The following NIPSNAP1 variants were observed in gnomAD, a reference collection of about 807,000 sequenced individuals.
NIPSNAP1 encodes the protein nipsnap homolog 1, also known as protein NipSnap homolog 1.
A neutral mutation model predicts 49.2 loss-of-function variants in NIPSNAP1; 25 were observed. The observed-to-expected ratio is 0.51, with a 90% CI of 0.37 to 0.71. NIPSNAP1 has a LOEUF of 0.71. Among genes scored for constraint, NIPSNAP1 ranks in the 30% least tolerant of loss-of-function variants. The probability of loss-of-function intolerance (pLI) is 0.00; values close to 1 mark genes in which losing one functional copy is unlikely to be tolerated. For missense variants in NIPSNAP1, 294 were observed against 361.0 expected (o/e 0.81, Z 1.50); for synonymous variants, 143 against 140.7 (o/e 1.02, Z -0.12).
At chr22:29,564,521 G>C in intron 4 of NIPSNAP1, 1 of 415,650 alleles carries the variant, frequency 2.4e-6, no homozygotes, top group South Asian at 1.8e-5. Flanking sequence ...TTAAGAGACT[G>C]TCCTGCCTAT....
chr22:29,564,666 A>G (rs1214012253), intron 4 of NIPSNAP1, among the ~76,000 whole-genome samples: 1 of 151,944 alleles, frequency 6.6e-6, no homozygotes, highest in African/African-American at 2.4e-5. Context: ...CACCTGCCTC[A>G]GCCTCCCAAA....
At chr22:29,574,550 G>A (rs1398387224) in intron 1 of NIPSNAP1, among the ~76,000 whole-genome samples, 5 of 151,816 alleles carry the variant, frequency 3.3e-5, no homozygotes, top group African/African-American at 9.7e-5. Context: ...AGGCCGAGGC[G>A]GGCGGATTGC....
chr22:29,556,374 A>AT (rs2064294430), intron 9 of NIPSNAP1, among the ~76,000 whole-genome samples: 1 of 152,020 alleles, frequency 6.6e-6, no homozygotes, highest in African/African-American at 2.4e-5. Context: ...AAAATACAAA[A>AT]TTAGCCGGGC....
chr22:29,567,437 C>A (rs533809661), intron 4 of NIPSNAP1, among the ~76,000 whole-genome samples: 6 of 152,266 alleles, frequency 3.9e-5, no homozygotes, highest in African/African-American at 1.4e-4. Flanking sequence ...TATAGGGGTA[C>A]ATGATCAGGG....
chr22:29,555,587 C>G lies in NIPSNAP1; in HGVS notation c.*348G>C. 3.2e-6 allele frequency: 1 copy of G among 316,670 alleles called. No homozygotes were observed. Among genetic ancestry groups the G allele is most frequent in the Non-Finnish European group, 6.3e-6 (1 of 158,840 alleles). The allele number at this position is 316,670 out of a possible 1,614,324, so 19.6% of individuals were successfully genotyped here. A position where few individuals can be genotyped will look rare whatever the true frequency, so the allele number is the denominator to read the frequency against. On this transcript the variant is annotated 3_prime_UTR_variant, in exon 10 of 10. Transcript: ENST00000216121. ...ACTGGACATACTACCTTTTGTGCAA[C>G]TAAGCTAAACAGAGGATTTCCAAGG...
chr22:29,574,117 C>T (rs1480556151), intron 1 of NIPSNAP1, among the ~76,000 whole-genome samples: 3 of 149,816 alleles, frequency 2.0e-5, no homozygotes, highest in Non-Finnish European at 4.4e-5. Context: ...AAAATATTAG[C>T]CAGGAGTGGT....
At chr22:29,575,934 G>A (rs559894681) in intron 1 of NIPSNAP1, among the ~76,000 whole-genome samples, 1 of 151,358 alleles carries the variant, frequency 6.6e-6, no homozygotes, top group East Asian at 1.9e-4. Context: ...GGCTGGTCTC[G>A]AACTCTTGAC....
rs374371911 is a variant in NIPSNAP1 at position 29,560,783 on chromosome 22, G to A, written c.657C>T (p.Gly219=). ...GCTCTCCTATCTGTGAGAAGAAGCC[G>A]CCCACTGCCTCCTGGTTCTCCTGCC... The part of the protein sequence containing the change: ...KYRQENQEAV[G]GFFSQIGELY... Residue 219 remains glycine, a synonymous_variant, in exon 8 of 10, where the codon GGC becomes GGT. Transcript: ENST00000216121. 6.2e-6 allele frequency: 10 copies of A among 1,613,944 alleles called. No homozygotes were observed. Among genetic ancestry groups the A allele is most frequent in the Middle Eastern group, 1.6e-4 (1 of 6,084 alleles).
intron 9 of NIPSNAP1, among the ~76,000 whole-genome samples, chr22:29,557,446 T>G (rs2064304120): frequency 6.6e-6 from 1 of 151,158 alleles, no homozygotes; most frequent in Admixed American, 6.6e-5. Flanking sequence ...TTTTTTATTT[T>G]TGAGATAGGG....
At chr22:29,579,970 A>T in intron 1 of NIPSNAP1, 1 of 774,842 alleles carries the variant, frequency 1.3e-6, no homozygotes, top group Non-Finnish European at 1.9e-6. Flanking sequence ...CAAAAGCCCC[A>T]CTGCTCTGTG....
chr22:29,560,033 A>G (rs2064323045), intron 8 of NIPSNAP1, among the ~76,000 whole-genome samples: 1 of 151,932 alleles, frequency 6.6e-6, no homozygotes, highest in Non-Finnish European at 1.5e-5. Flanking sequence ...CCTCCTTGCC[A>G]CACCTCAAAA....
At chr22:29,579,304 T>C (rs2064479396) in intron 1 of NIPSNAP1, among the ~76,000 whole-genome samples, 1 of 140,996 alleles carries the variant, frequency 7.1e-6, no homozygotes, top group African/African-American at 2.8e-5. Flanking sequence ...TTTTTTTTTT[T>C]TTTTTTTTTG....
At position 29,555,895 on chromosome 22, in the gene NIPSNAP1, C is replaced by A; in HGVS notation, c.*40G>T. On this transcript the variant is annotated 3_prime_UTR_variant, in exon 10 of 10. Transcript: ENST00000216121. ...GGAGTGCCACTGTCTGTCGGGGTTG[C>A]CTGAGGGAGAAGGGGAAGGAGGTGG... is the stretch of plus-strand genomic sequence containing the variant. 1 of 1,540,570 alleles carries A rather than the reference C, an allele frequency of 6.5e-7. No homozygotes were observed. The highest frequency in any genetic ancestry group is 1.2e-5 in the South Asian group (1 of 83,846).
chr22:29,567,632 C>T (rs1434758226), intron 4 of NIPSNAP1, among the ~76,000 whole-genome samples: 1 of 151,874 alleles, frequency 6.6e-6, no homozygotes, highest in African/African-American at 2.4e-5. Context: ...GTGGAAGGAT[C>T]GCTTGAGCCC....
chr22:29,574,283 A>AGAAAATAAAG (rs368247073), intron 1 of NIPSNAP1, among the ~76,000 whole-genome samples: 1 of 111,248 alleles, frequency 9.0e-6, no homozygotes, highest in East Asian at 2.8e-4. Context: ...AAAAAAAAAA[A>AGAAAATAAAG]AAAAAAAAAG....
At position 29,555,662 on chromosome 22, in the gene NIPSNAP1, A is replaced by G. The variant is rs1316856227; in HGVS notation, c.*273T>C. On this transcript the variant is annotated 3_prime_UTR_variant, in exon 10 of 10. Coordinates refer to ENST00000216121, the MANE Select transcript of NIPSNAP1 (RefSeq NM_003634.4). ...TGAGATGAGGAATTTTAGAAGATAA[A>G]TGAAGGCCTAAAAGATCACTATCTT... 2 of 465,448 alleles carry G rather than the reference A, an allele frequency of 4.3e-6. No homozygotes were observed. The highest frequency in any genetic ancestry group is 8.2e-5 in the East Asian group (2 of 24,500). The allele number at this position is 465,448 out of a possible 1,614,324, so 28.8% of individuals were successfully genotyped here.
At chr22:29,569,133 A>G in intron 4 of NIPSNAP1, 60 bp downstream of exon 4, 1 of 1,399,494 alleles carries the variant, frequency 7.1e-7, no homozygotes, top group Non-Finnish European at 1.0e-6. Flanking sequence ...GCCAGGTGTG[A>G]AAGGTGCTGG....
At chr22:29,561,481 G>A (rs760823284) in intron 6 of NIPSNAP1, 25 bp downstream of exon 6, 18 of 1,613,664 alleles carry the variant, frequency 1.1e-5, no homozygotes, top group African/African-American at 2.7e-5. Flanking sequence ...TGGGGGGCAG[G>A]AGGGGGTCTG....
chr22:29,558,095 T>G lies in NIPSNAP1; in HGVS notation c.790+775A>C, dbSNP rs1343892366. On this transcript the variant is annotated intron_variant, in intron 9 of 9. Transcript: ENST00000216121. Reference sequence around the variant, plus strand: ...CTGGGTGACATAGTAAGACTGCATCTCTACAAAAACAAAAACCTTATTCAA... The same window carrying G: ...CTGGGTGACATAGTAAGACTGCATCGCTACAAAAACAAAAACCTTATTCAA... 2.6e-5 allele frequency among the ~76,000 whole-genome samples: 4 copies of G among 152,160 alleles called. No homozygotes were observed. In the South Asian group the frequency reaches 8.3e-4, roughly 32 times the overall value.
Sources: gnomAD v4.1 joint callset for allele counts (sites outside exome capture counted in the v4.1 genomes callset) on GRCh38, gnomAD v4.1.1 for gene constraint, MANE v1.5 for transcripts, NCBI Gene and HGNC (gene_info 2026-07-23, HGNC 2026-07-21) for gene names.